CTNNA3: variants seen among roughly 807,000 people sequenced by gnomAD.
CTNNA3 encodes catenin alpha 3.
In CTNNA3, 76 loss-of-function variants were observed where a neutral mutation model predicts 95.7. That is an observed-to-expected ratio of 0.79 (90% CI 0.66 to 0.96). The LOEUF is 0.96. Ranked by LOEUF, CTNNA3 falls within the 40% of genes least tolerant of loss-of-function variation. The pLI, the probability that CTNNA3 is intolerant of heterozygous loss-of-function variation, is 0.00. For missense variants in CTNNA3, 1,191 were observed against 1,089.8 expected, an observed-to-expected ratio of 1.09 and a Z score of -1.31; for synonymous variants, 431 against 374.4, an observed-to-expected ratio of 1.15 and a Z score of -1.74.
At chr10:67,183,455 C>T (rs1389770584) in intron 6 of CTNNA3, among the ~76,000 whole-genome samples, 8 of 151,766 alleles carry the variant, frequency 5.3e-5, no homozygotes, top group Admixed American at 6.6e-5. Context: ...AACCAAACAC[C>T]GCATGCTCTC....
intron 7 of CTNNA3, among the ~76,000 whole-genome samples, chr10:67,129,425 TAAC>T (rs1392195208): frequency 6.6e-6 from 1 of 152,170 alleles, no homozygotes; most frequent in South Asian, 2.1e-4. Flanking sequence ...GCTTTTAAGT[TAAC>T]AACAATTCTG....
At chr10:66,716,988 T>C (rs568057481) in intron 9 of CTNNA3, among the ~76,000 whole-genome samples, 1 of 151,180 alleles carries the variant, frequency 6.6e-6, no homozygotes, top group African/African-American at 2.4e-5. Context: ...ATAATGTAGG[T>C]GGGCTTCACC....
At chr10:67,036,246 G>A (rs1296891276) in intron 7 of CTNNA3, among the ~76,000 whole-genome samples, 1 of 151,804 alleles carries the variant, frequency 6.6e-6, no homozygotes, top group East Asian at 1.9e-4. Flanking sequence ...TCAACCTCCT[G>A]GGCTCAAGAG....
intron 12 of CTNNA3, among the ~76,000 whole-genome samples, chr10:66,340,788 A>G (rs1485849647): frequency 6.6e-6 from 1 of 151,790 alleles, no homozygotes; most frequent in African/African-American, 2.4e-5. Flanking sequence ...CCCCTGTTTA[A>G]TAGATAAATA....
intron 1 of CTNNA3, among the ~76,000 whole-genome samples, chr10:67,695,588 TGAA>T (rs1185303212): frequency 2.0e-5 from 3 of 152,240 alleles, no homozygotes; most frequent in Non-Finnish European, 1.5e-5. Context: ...CCATTTACTA[TGAA>T]TTAGCTTTTG....
chr10:66,042,899 CAAAAAAA>C (rs60090636), intron 15 of CTNNA3, among the ~76,000 whole-genome samples: 24 of 50,426 alleles, frequency 4.8e-4, no homozygotes, highest in African/African-American at 1.7e-3. Flanking sequence ...GACTCTGTCT[CAAAAAAA>C]AAAAAAAAAA....
intron 3 of CTNNA3, among the ~76,000 whole-genome samples, chr10:67,598,373 G>C (rs191173353): frequency 7.9e-5 from 12 of 152,180 alleles, no homozygotes; most frequent in Admixed American, 7.2e-4. Context: ...CCTTCCCTGG[G>C]AGCCTCTCAG....
At chr10:66,424,796 T>A (rs760322112) in intron 11 of CTNNA3, among the ~76,000 whole-genome samples, 7 of 152,068 alleles carry the variant, frequency 4.6e-5, no homozygotes, top group Non-Finnish European at 1.0e-4. Flanking sequence ...GGATGACTTG[T>A]TCAAATCTTA....
chr10:66,244,095 A>C (rs2090211736), intron 13 of CTNNA3, among the ~76,000 whole-genome samples: 1 of 152,164 alleles, frequency 6.6e-6, no homozygotes, highest in Non-Finnish European at 1.5e-5. Flanking sequence ...TTAAATGAAC[A>C]TTGGCAGTGG....
At position 66,147,833 on chromosome 10, in the gene CTNNA3, G is replaced by A. The variant is rs542533435; in HGVS notation, c.1885-44584C>T. On this transcript the variant is annotated intron_variant, in intron 13 of 17. Transcript: ENST00000433211. Reference sequence around the variant, plus strand: ...TAGTATGCTATGTTTATATTAGCATGTATGTATATTAATATGCTTATAAAA... The same window carrying A: ...TAGTATGCTATGTTTATATTAGCATATATGTATATTAATATGCTTATAAAA... Among the ~76,000 whole-genome samples, 371 of 149,942 alleles carry A rather than the reference G, an allele frequency of 2.5e-3. 1 individual carries two copies. Among genetic ancestry groups the A allele is most frequent in the African/African-American group, 8.5e-3 (342 of 40,448 alleles).
chr10:66,806,843 T>C (rs1841670880), intron 7 of CTNNA3, among the ~76,000 whole-genome samples: 1 of 151,736 alleles, frequency 6.6e-6, no homozygotes, highest in South Asian at 2.1e-4. Flanking sequence ...CATACATATA[T>C]ATATTCGGCA....
At chr10:66,133,462 G>A (rs539525451) in intron 13 of CTNNA3, among the ~76,000 whole-genome samples, 4 of 151,678 alleles carry the variant, frequency 2.6e-5, no homozygotes, top group South Asian at 4.2e-4. Context: ...GCAGTGAGCC[G>A]AGATCACGCC....
intron 2 of CTNNA3, among the ~76,000 whole-genome samples, chr10:67,631,247 C>T (rs1215473900): frequency 6.6e-6 from 1 of 151,840 alleles, no homozygotes; most frequent in African/African-American, 2.4e-5. Flanking sequence ...GAAATATATC[C>T]CAGGCTAAAT....
chr10:66,779,579 T>C (rs577151095), intron 7 of CTNNA3, among the ~76,000 whole-genome samples: 1 of 152,138 alleles, frequency 6.6e-6, no homozygotes, highest in African/African-American at 2.4e-5. Flanking sequence ...GCCAGGCTGG[T>C]CTTGAACTCC....
Position 66,696,264 on chromosome 10 carries a change from G to C in CTNNA3, c.1281+70000C>G, listed in dbSNP as rs114047550. 7.3e-3 allele frequency among the ~76,000 whole-genome samples: 1,109 copies of C among 152,158 alleles called. 7 individuals are homozygous for C. Among genetic ancestry groups the C allele is most frequent in the African/African-American group, 0.025 (1,040 of 41,508 alleles). ...AGATGTCATCAGTGTTTCAGAAACT[G>C]GTTTCTTTCATTTTAAAATAAAGAG... On this transcript the variant is annotated intron_variant, in intron 9 of 17. Transcript: ENST00000433211.
At chr10:67,180,111 C>T (rs1862446268) in intron 7 of CTNNA3, among the ~76,000 whole-genome samples, 1 of 152,120 alleles carries the variant, frequency 6.6e-6, no homozygotes, top group Non-Finnish European at 1.5e-5. Context: ...TGTAAATACC[C>T]TTCTGGTTCT....
intron 5 of CTNNA3, among the ~76,000 whole-genome samples, chr10:67,344,380 T>C (rs1474188793): frequency 6.6e-6 from 1 of 151,982 alleles, no homozygotes; most frequent in Non-Finnish European, 1.5e-5. Context: ...GTTTGGAATT[T>C]TTCCCTCCTC....
chr10:66,086,996 G>A (rs1364942434), intron 14 of CTNNA3, among the ~76,000 whole-genome samples: 1 of 152,080 alleles, frequency 6.6e-6, no homozygotes, highest in Non-Finnish European at 1.5e-5. Flanking sequence ...ATGGAAATTT[G>A]CATAGATAAA....
At chr10:66,280,023 A>G (rs1445118494) in intron 13 of CTNNA3, among the ~76,000 whole-genome samples, 1 of 152,016 alleles carries the variant, frequency 6.6e-6, no homozygotes, top group Non-Finnish European at 1.5e-5. Flanking sequence ...GATTTCTTGC[A>G]GAACACTCTG....
Sources: gnomAD v4.1 joint callset for allele counts (sites outside exome capture counted in the v4.1 genomes callset) on GRCh38, gnomAD v4.1.1 for gene constraint, MANE v1.5 for transcripts, NCBI Gene and HGNC (gene_info 2026-07-23, HGNC 2026-07-21) for gene names.